SLC7A5: variants seen among roughly 807,000 people sequenced by gnomAD.
The protein encoded by SLC7A5 is solute carrier family 7 member 5.
SLC7A5 carries 23 observed loss-of-function variants against 50.2 expected under a neutral mutation model. The observed-to-expected ratio is 0.46, with a 90% confidence interval of 0.33 to 0.65. The LOEUF (loss-of-function observed/expected upper bound fraction) is 0.65. Among genes scored for constraint, SLC7A5 ranks in the 30% least tolerant of loss-of-function variants. The probability of loss-of-function intolerance (pLI) is 0.02; values close to 1 mark genes in which losing one functional copy is unlikely to be tolerated. For missense variants in SLC7A5, 578 were observed against 684.4 expected (o/e 0.84, Z 1.73); for synonymous variants, 393 against 330.6 (o/e 1.19, Z -2.05).
At chr16:87,848,275 C>G (rs1321667136) in intron 2 of SLC7A5, among the ~76,000 whole-genome samples, 1 of 152,266 alleles carries the variant, frequency 6.6e-6, no homozygotes, top group African/African-American at 2.4e-5. Context: ...GTTTGTTCTG[C>G]CGCTGACGGC....
At position 87,860,131 on chromosome 16, in the gene SLC7A5, G is replaced by A. The variant is rs1191733733; in HGVS notation, c.539-8282C>T. Among the ~76,000 whole-genome samples, 3 of 151,978 alleles carry A rather than the reference G, an allele frequency of 2.0e-5. No homozygotes were observed. The highest frequency in any genetic ancestry group is 7.2e-5 in the African/African-American group (3 of 41,416). ...GCGGATCACCTGAGATCAAGAGTTCGAAACCAGCCTGACCAACATGGTGAA... is the reference window on the plus strand; with the variant it reads ...GCGGATCACCTGAGATCAAGAGTTCAAAACCAGCCTGACCAACATGGTGAA... On this transcript the variant is annotated intron_variant, in intron 1 of 9. Transcript: ENST00000261622. The surrounding 1 kb of genome is among the most constrained non-coding windows in gnomAD (Gnocchi z 4.8).
Position 87,862,250 on chromosome 16 carries a change from A to G in SLC7A5, c.538+6635T>C, listed in dbSNP as rs1345817892. 9.9e-5 allele frequency among the ~76,000 whole-genome samples: 15 copies of G among 152,150 alleles called. No individual in the cohort carries two copies. The highest frequency in any genetic ancestry group is 1.8e-4 in the Non-Finnish European group (12 of 67,998). ...GGGTGGTGCTGGACACCCAGGGGGCAGATAGAGGCAGCCAGGCAGCCTGAA... is the reference window on the plus strand; with the variant it reads ...GGGTGGTGCTGGACACCCAGGGGGCGGATAGAGGCAGCCAGGCAGCCTGAA... On this transcript the variant is annotated intron_variant, in intron 1 of 9. Transcript: ENST00000261622. The surrounding 1 kb of genome is among the most constrained non-coding windows in gnomAD (Gnocchi z 5.3).
At chr16:87,846,314 T>C (rs1287092291) in intron 2 of SLC7A5, among the ~76,000 whole-genome samples, 3 of 152,200 alleles carry the variant, frequency 2.0e-5, no homozygotes, top group Non-Finnish European at 4.4e-5. Flanking sequence ...GAAAGTGAGC[T>C]TTGGCAGCTC....
chr16:87,838,645 A>G, intron 6 of SLC7A5, 69 bp downstream of exon 6: 4 of 1,170,514 alleles, frequency 3.4e-6, no homozygotes, highest in East Asian at 4.7e-5. Flanking sequence ...TTTTACAGAC[A>G]TGGAACATGT....
chr16:87,840,294 G>T (rs2055066491), intron 4 of SLC7A5, 135 bp downstream of exon 4: 1 of 787,418 alleles, frequency 1.3e-6, no homozygotes, highest in African/African-American at 1.7e-5. Context: ...ACATCCTGCT[G>T]GCCCCAGAGG....
rs1168718028 is a variant in SLC7A5 at position 87,869,162 on chromosome 16, C to T, written c.261G>A (p.Val87=). The T allele has an allele frequency of 1.9e-6, 3 of 1,612,106 alleles. No individual in the cohort carries two copies. Among genetic ancestry groups the T allele is most frequent in the Admixed American group, 1.7e-5 (1 of 59,996 alleles). ...AGAAGACGCCGCACGCGGCCCACAC[C>T]ACCAGCGCCAGCCCCGGCGAGCCTG... ...KEAGSPGLAL[V]VWAACGVFSI... is the part of the protein sequence containing the mutation. The change falls in exon 1 of 10, where the codon GTG becomes GTA. Residue 87 remains valine, a synonymous_variant. Transcript: ENST00000261622.
rs1398538789 is a variant in SLC7A5, at chr16:87,861,565, GGCCAAGAGGTGGCCAAGAGGT to G, written c.538+7299_538+7319del. ...TTCAAAGGCTGGAGTGCAAAGTGGTGGCCAAGAGGTGGCCAAGAGGTGCCAAGAGGTGGTCCAAGAGTGTGC... is the reference window on the plus strand; with the variant it reads ...TTCAAAGGCTGGAGTGCAAAGTGGTGGCCAAGAGGTGGTCCAAGAGTGTGC... On this transcript the variant is annotated intron_variant, in intron 1 of 9. Coordinates refer to ENST00000261622, the MANE Select transcript of SLC7A5 (RefSeq NM_003486.7). This position sits in a 1 kb window ranked among gnomAD's most constrained non-coding sequence, Gnocchi z 4.2. Among the ~76,000 whole-genome samples, 1 of 152,154 alleles carries G rather than the reference GGCCAAGAGGTGGCCAAGAGGT, an allele frequency of 6.6e-6. No homozygotes were observed. The highest frequency in any genetic ancestry group is 1.9e-4 in the East Asian group (1 of 5,174).
chr16:87,835,717 GC>G (rs1239407604), intron 8 of SLC7A5, among the ~76,000 whole-genome samples: 4 of 152,012 alleles, frequency 2.6e-5, no homozygotes, highest in Admixed American at 6.5e-5. Flanking sequence ...TTTGTGATCT[GC>G]CCGCCTCGGC....
rs1490927225 is a variant in SLC7A5 at position 87,841,028 on chromosome 16, A to G, written c.770+22T>C. 1 of 1,542,540 alleles carries G rather than the reference A, an allele frequency of 6.5e-7. No individual in the cohort carries two copies. The highest frequency in any genetic ancestry group is 1.4e-5 in the African/African-American group (1 of 73,218). ...GGACTGTATGTCCCCAGACCAAGGG[A>G]CCCAGACATTCCAGAACCTACCATC... On this transcript the variant is annotated intron_variant, in intron 3 of 9. Coordinates refer to ENST00000261622, the MANE Select transcript of SLC7A5 (RefSeq NM_003486.7). This position sits in a 1 kb window ranked among gnomAD's most constrained non-coding sequence, Gnocchi z 4.8.
At position 87,853,131 on chromosome 16, in the gene SLC7A5, G is replaced by A. The variant is rs906743226; in HGVS notation, c.539-1282C>T. ...TTCTCTCTTTCCCCTTGGGAGTAAC[G>A]CTCAGAAAGGTCTGGCCAGCCAAGG... is the stretch of plus-strand genomic sequence containing the variant. On this transcript the variant is annotated intron_variant, in intron 1 of 9. Coordinates refer to ENST00000261622, the MANE Select transcript of SLC7A5 (RefSeq NM_003486.7). The surrounding 1 kb of genome is among the most constrained non-coding windows in gnomAD (Gnocchi z 4.4). Among the ~76,000 whole-genome samples the A allele has an allele frequency of 2.6e-5, 4 of 152,228 alleles. No homozygotes were observed. Among genetic ancestry groups the A allele is most frequent in the East Asian group, 1.9e-4 (1 of 5,204 alleles).
At chr16:87,864,090 G>C (rs987927035) in intron 1 of SLC7A5, among the ~76,000 whole-genome samples, 4 of 148,028 alleles carry the variant, frequency 2.7e-5, no homozygotes, top group South Asian at 2.1e-4. Context: ...TCAGGAGTTC[G>C]AGACCAGCCT....
intron 1 of SLC7A5, 36 bp downstream of exon 1, chr16:87,868,849 C>G (rs1597523942): frequency 1.3e-6 from 2 of 1,565,944 alleles, no homozygotes; most frequent in East Asian, 4.7e-5. Context: ...CCAGAGACTA[C>G]GACCTCCCAA....
rs1057274489 is a variant in SLC7A5 at position 87,833,184 on chromosome 16, A to T, written c.1469-159T>A. 3.3e-5 allele frequency among the ~76,000 whole-genome samples: 5 copies of T among 152,216 alleles called. No individual in the cohort carries two copies. Among genetic ancestry groups the T allele is most frequent in the African/African-American group, 9.6e-5 (4 of 41,462 alleles). On this transcript the variant is annotated intron_variant, in intron 9 of 9. Coordinates refer to ENST00000261622, the MANE Select transcript of SLC7A5 (RefSeq NM_003486.7). The surrounding 1 kb of genome is among the most constrained non-coding windows in gnomAD (Gnocchi z 6.0). ...GGAACCTTCCCTTGTGTACTTGCGC[A>T]TGTGGGTGCCGGGTGCCCGAGGCGC...
In SLC7A5 at chr16:87,869,301, C is replaced by A. The variant is rs148183733; in HGVS notation, c.122G>T (p.Gly41Val). Residue 41 changes from glycine to valine, a missense_variant, in exon 1 of 10, where the codon GGC becomes GTC. Gly to Val is a moderately radical substitution (Grantham distance 109, BLOSUM62 -3). This residue lies in a region of SLC7A5 where 113 missense variants were observed against 89.8 expected (regional missense o/e 1.26). Transcript: ENST00000261622. The stretch of plus-strand genomic sequence containing the variant: ...GTTCCGCTGCAGGGTCACGCCCTCG[C>A]CCTCGCCTGCCGGCGCCGAGCCGTC... ...SADGSAPAGE[G>V]EGVTLQRNIT... 5.0e-6 allele frequency: 8 copies of A among 1,611,292 alleles called. No individual in the cohort carries two copies. In the African/African-American group the frequency reaches 9.3e-5, roughly 19 times the overall value.
chr16:87,855,123 G>C (rs1455810274), intron 1 of SLC7A5, among the ~76,000 whole-genome samples: 1 of 152,246 alleles, frequency 6.6e-6, no homozygotes, highest in Non-Finnish European at 1.5e-5. Flanking sequence ...TCACGCAGGA[G>C]GGATTGGGGA....
intron 8 of SLC7A5, among the ~76,000 whole-genome samples, chr16:87,835,759 C>A (rs538929174): frequency 2.0e-5 from 3 of 152,226 alleles, no homozygotes; most frequent in Non-Finnish European, 4.4e-5. Context: ...CAGGCGTGAG[C>A]CACCGCGCCC....
intron 2 of SLC7A5, among the ~76,000 whole-genome samples, chr16:87,846,203 A>G (rs1179739055): frequency 1.3e-5 from 2 of 152,160 alleles, no homozygotes; most frequent in East Asian, 1.9e-4. Context: ...CCTGAGCGCA[A>G]TGTCCTGTCT....
intron 2 of SLC7A5, among the ~76,000 whole-genome samples, chr16:87,844,035 T>C (rs906240992): frequency 2.2e-4 from 34 of 152,256 alleles, no homozygotes; most frequent in African/African-American, 7.5e-4. Flanking sequence ...GACAGTCTGC[T>C]ATCCAGTCAG....
rs1051726952 is a variant in SLC7A5 at position 87,841,393 on chromosome 16, A to C, written c.665-238T>G. ...TGTGCCCACCTGAGAGGGCACAGGC[A>C]GTTCTGACCACTGCCCAGGAGGGCT... On this transcript the variant is annotated intron_variant, in intron 2 of 9. Coordinates refer to ENST00000261622, the MANE Select transcript of SLC7A5 (RefSeq NM_003486.7). This position sits in a 1 kb window ranked among gnomAD's most constrained non-coding sequence, Gnocchi z 4.8. Among the ~76,000 whole-genome samples, 2 of 152,200 alleles carry C rather than the reference A, an allele frequency of 1.3e-5. No homozygotes were observed. The highest frequency in any genetic ancestry group is 2.4e-5 in the African/African-American group (1 of 41,456).
Sources: gnomAD v4.1 joint callset for allele counts (sites outside exome capture counted in the v4.1 genomes callset) on GRCh38, gnomAD v4.1.1 for gene constraint, gnomAD v4.1.1 regional missense constraint, Gnocchi (gnomAD v3.1) non-coding constraint, MANE v1.5 for transcripts, NCBI Gene and HGNC (gene_info 2026-07-23, HGNC 2026-07-21) for gene names.